The following SDK1 variants were observed in gnomAD, a reference collection of about 807,000 sequenced individuals.
SDK1 encodes sidekick cell adhesion molecule 1.
Under a neutral mutation model 245.5 loss-of-function variants are expected in SDK1, and 157 were observed. The ratio of observed to expected loss-of-function variants is 0.64; its 90% CI spans 0.56 to 0.73. The LOEUF (loss-of-function observed/expected upper bound fraction) is 0.73. SDK1 is among the 30% of genes least tolerant of loss of function. The pLI is 0.00. For synonymous variants in SDK1, 1,647 were observed against 1,278.5 expected (o/e 1.29, Z -6.15); for missense variants, 3,583 against 3,002.3 (o/e 1.19, Z -4.52).
chr7:4,211,361 C>T lies in SDK1; in HGVS notation c.5539+1199C>T, dbSNP rs879771498. Reference sequence around the variant, plus strand: ...GAACGGGTGGCAGAGATTCTGTAGACCAGGGAGTGAGGAGGCCGGCCGGGG... The same window carrying T: ...GAACGGGTGGCAGAGATTCTGTAGATCAGGGAGTGAGGAGGCCGGCCGGGG... On this transcript the variant is annotated intron_variant, in intron 38 of 44. Transcript: ENST00000404826. Among the ~76,000 whole-genome samples, 253 of 152,120 alleles carry T rather than the reference C, an allele frequency of 1.7e-3. 2 individuals carry two copies. Among genetic ancestry groups the T allele is most frequent in the Non-Finnish European group, 1.7e-3 (114 of 67,986 alleles).
At chr7:3,370,422 A>G (rs1781193435) in intron 1 of SDK1, among the ~76,000 whole-genome samples, 1 of 152,236 alleles carries the variant, frequency 6.6e-6, no homozygotes, top group South Asian at 2.1e-4. Flanking sequence ...GTGAAAAAGT[A>G]ATTTCTTCTT....
intron 1 of SDK1, among the ~76,000 whole-genome samples, chr7:3,321,475 A>T (rs1404467549): frequency 6.6e-6 from 1 of 152,192 alleles, no homozygotes; most frequent in African/African-American, 2.4e-5. Flanking sequence ...TTCCTATTGT[A>T]GGAACTCAGT....
At position 4,158,514 on chromosome 7, in the gene SDK1, C is replaced by T. The variant is rs1780911591; in HGVS notation, c.4692C>T (p.Phe1564=). 1 of 1,613,864 alleles carries T rather than the reference C, an allele frequency of 6.2e-7. No homozygotes were observed. Among genetic ancestry groups the T allele is most frequent in the East Asian group, 2.2e-5 (1 of 44,876 alleles). The change falls in exon 31 of 45, where the codon TTC becomes TTT. Residue 1564 remains phenylalanine (F), a synonymous_variant. Coordinates refer to ENST00000404826, the MANE Select transcript of SDK1 (RefSeq NM_152744.4). Reference sequence around the variant, plus strand: ...CCAACGACATTGGGGACAGTGACTTCAGTTCAGAGACAGAGGCGGTGACCA... The same window carrying T: ...CCAACGACATTGGGGACAGTGACTTTAGTTCAGAGACAGAGGCGGTGACCA... ...KATNDIGDSD[F]SSETEAVTTL...
Position 3,912,838 on chromosome 7 carries a change from C to G in SDK1, c.848-38085C>G, listed in dbSNP as rs540354087. On this transcript the variant is annotated intron_variant, in intron 5 of 44. Transcript: ENST00000404826. ...CCCGATTTCTTTATTTATACATGGA[C>G]TTGCTTGAAAAAGATTTCTAGTCCT... Among the ~76,000 whole-genome samples the G allele has an allele frequency of 3.3e-5, 5 of 152,308 alleles. No homozygotes were observed. The South Asian group carries it at 1.0e-3, about 32-fold the overall frequency.
chr7:3,922,490 C>T (rs142266040), intron 5 of SDK1, among the ~76,000 whole-genome samples: 3 of 152,250 alleles, frequency 2.0e-5, no homozygotes, highest in Non-Finnish European at 2.9e-5. Context: ...ACAAAACTCT[C>T]TGACTCCTTG....
chr7:4,046,183 C>A (rs563862620), intron 17 of SDK1, among the ~76,000 whole-genome samples: 1 of 151,914 alleles, frequency 6.6e-6, no homozygotes, highest in African/African-American at 2.4e-5. Flanking sequence ...CTCAAGCGAT[C>A]CTCCTACCTC....
chr7:4,107,705 C>T (rs1783032572), intron 22 of SDK1, among the ~76,000 whole-genome samples: 1 of 152,106 alleles, frequency 6.6e-6, no homozygotes, highest in East Asian at 1.9e-4. Context: ...CTCCGCACTC[C>T]CCAGTATCTG....
chr7:4,226,687 A>T (rs1785468288), intron 40 of SDK1, among the ~76,000 whole-genome samples: 1 of 152,192 alleles, frequency 6.6e-6, no homozygotes, highest in Admixed American at 6.5e-5. Context: ...GGCTGTGCGT[A>T]AGTTTCCTCC....
intron 4 of SDK1, among the ~76,000 whole-genome samples, chr7:3,726,686 C>G (rs372097710): frequency 6.6e-6 from 1 of 152,284 alleles, no homozygotes; most frequent in South Asian, 2.1e-4. Context: ...GAACATCAAC[C>G]ACTGTGTTCT....
chr7:4,011,593 C>T lies in SDK1; in HGVS notation c.2279+480C>T, dbSNP rs545877012. On this transcript the variant is annotated intron_variant, in intron 15 of 44. Coordinates refer to ENST00000404826, the MANE Select transcript of SDK1 (RefSeq NM_152744.4). ...AGGGCCACCTCTGAAAAATCTCATT[C>T]GGAGGTGACATGGGAAAATGGCTTC... 1.3e-3 allele frequency among the ~76,000 whole-genome samples: 198 copies of T among 152,326 alleles called. 1 individual carries two copies. Among genetic ancestry groups the T allele is most frequent in the Admixed American group, 2.5e-3 (38 of 15,300 alleles).
intron 1 of SDK1, among the ~76,000 whole-genome samples, chr7:3,601,654 TA>T (rs1781257652): frequency 1.3e-5 from 2 of 151,796 alleles, no homozygotes; most frequent in South Asian, 4.1e-4. Flanking sequence ...CCAGCTTTCT[TA>T]TCAATTTATT....
At chr7:3,723,825 CATAT>C (rs1562397377) in intron 4 of SDK1, among the ~76,000 whole-genome samples, 5 of 147,112 alleles carry the variant, frequency 3.4e-5, no homozygotes, top group African/African-American at 7.6e-5. Flanking sequence ...CGTACATATA[CATAT>C]ACACGTGTAT....
intron 5 of SDK1, among the ~76,000 whole-genome samples, chr7:3,925,800 C>T (rs1779746907): frequency 6.6e-6 from 1 of 152,136 alleles, no homozygotes; most frequent in Admixed American, 6.5e-5. Context: ...GAGAAGACAC[C>T]CACGCAGCCC....
chr7:3,912,917 T>G (rs9692110), intron 5 of SDK1, among the ~76,000 whole-genome samples: 19 of 152,320 alleles, frequency 1.2e-4, no homozygotes, highest in African/African-American at 4.6e-4. Flanking sequence ...TCCCACGAGA[T>G]GCAAGTCACA....
chr7:3,340,164 C>A (rs559698061), intron 1 of SDK1, among the ~76,000 whole-genome samples: 10 of 151,738 alleles, frequency 6.6e-5, no homozygotes, highest in Admixed American at 6.6e-4. Flanking sequence ...TAAAACTCAA[C>A]CAAGACAAAA....
chr7:3,336,075 C>T (rs922624012), intron 1 of SDK1, among the ~76,000 whole-genome samples: 14 of 152,154 alleles, frequency 9.2e-5, no homozygotes, highest in Admixed American at 2.0e-4. Flanking sequence ...GACAGCAAAA[C>T]TCTGAGAAGA....
At chr7:3,930,795 CG>C (rs1562544914) in intron 5 of SDK1, among the ~76,000 whole-genome samples, 1 of 147,430 alleles carries the variant, frequency 6.8e-6, no homozygotes, top group African/African-American at 2.5e-5. Context: ...TCTGTCTCAC[CG>C]AAAAGAAAAG....
At chr7:3,416,920 C>G (rs1016788609) in intron 1 of SDK1, among the ~76,000 whole-genome samples, 7 of 152,128 alleles carry the variant, frequency 4.6e-5, no homozygotes, top group African/African-American at 1.4e-4. Context: ...TGCCTGTAAT[C>G]CCAGCACTTT....
chr7:3,862,565 T>A (rs775922267), intron 5 of SDK1, among the ~76,000 whole-genome samples: 1 of 152,186 alleles, frequency 6.6e-6, no homozygotes, highest in African/African-American at 2.4e-5. Context: ...AATTCCTGAG[T>A]TGGAAAAAGT....
Sources: allele counts gnomAD v4.1 joint callset (sites outside exome capture counted in the v4.1 genomes callset), GRCh38; gene constraint gnomAD v4.1.1; transcripts MANE v1.5; gene names NCBI Gene and HGNC (gene_info 2026-07-23, HGNC 2026-07-21).